Variants in LRRTM3 observed in about 807,000 individuals in gnomAD.
LRRTM3 encodes leucine rich repeat transmembrane neuronal 3.
LRRTM3 carries 24 observed loss-of-function variants against 44.7 expected under a neutral mutation model. That is an observed-to-expected ratio of 0.54 (90% CI 0.39 to 0.76). LRRTM3 has a LOEUF of 0.76. LRRTM3 is among the 30% of genes least tolerant of loss of function. The pLI is 0.00. For missense variants in LRRTM3, 587 were observed against 702.2 expected, an observed-to-expected ratio of 0.84 and a Z score of 1.85; for synonymous variants, 277 against 278.7, an observed-to-expected ratio of 0.99 and a Z score of 0.06.
chr10:67,003,518 G>A (rs1234695379), intron 2 of LRRTM3, among the ~76,000 whole-genome samples: 2 of 152,046 alleles, frequency 1.3e-5, no homozygotes, highest in East Asian at 3.9e-4. Context: ...CCAATCCTTA[G>A]GATTCTCCTA....
rs990831106 is a variant in LRRTM3 at position 67,083,070 on chromosome 10, G to A, written c.1537-14517G>A. 2.6e-5 allele frequency among the ~76,000 whole-genome samples: 4 copies of A among 152,070 alleles called. No homozygotes were observed. The East Asian group carries it at 7.7e-4, about 29-fold the overall frequency. ...CACCTAAGGGTCAGGAGAGGCAAGT[G>A]TGATCAGGGGACCAGTGAGCATCCT... On this transcript the variant is annotated intron_variant, in intron 2 of 2. Transcript: ENST00000361320.
chr10:66,931,264 A>C (rs12264562), intron 2 of LRRTM3, among the ~76,000 whole-genome samples: 8,572 of 151,696 alleles, frequency 0.057, 471 homozygotes, highest in African/African-American at 0.15. Context: ...CTTTACCAAA[A>C]CAGAGAAGAA....
At chr10:66,965,562 G>T (rs372053004) in intron 2 of LRRTM3, among the ~76,000 whole-genome samples, 10 of 38,400 alleles carry the variant, frequency 2.6e-4, no homozygotes, top group African/African-American at 5.8e-4. Context: ...AAAAAAAAAA[G>T]CTGTTTTTTT....
chr10:67,081,957 A>T (rs921196057), intron 2 of LRRTM3, among the ~76,000 whole-genome samples: 9 of 152,126 alleles, frequency 5.9e-5, no homozygotes, highest in Middle Eastern at 3.2e-3. Flanking sequence ...TGAAAACAGT[A>T]TTCATGTTTT....
At chr10:66,969,511 C>T (rs1053553116) in intron 2 of LRRTM3, among the ~76,000 whole-genome samples, 9 of 152,058 alleles carry the variant, frequency 5.9e-5, no homozygotes, top group South Asian at 4.1e-4. Flanking sequence ...ATTATTTCCT[C>T]GGGATACATT....
At chr10:67,041,362 A>C (rs548289615) in intron 2 of LRRTM3, among the ~76,000 whole-genome samples, 1 of 152,260 alleles carries the variant, frequency 6.6e-6, no homozygotes, top group South Asian at 2.1e-4. Flanking sequence ...ACTATAAATA[A>C]TAGAGGTTAC....
chr10:67,030,636 ATTTG>A (rs1853659699), intron 2 of LRRTM3, among the ~76,000 whole-genome samples: 1 of 152,142 alleles, frequency 6.6e-6, no homozygotes. Context: ...AGATCAATAT[ATTTG>A]TTTATCACCA....
chr10:66,976,499 C>T (rs1041097746), intron 2 of LRRTM3, among the ~76,000 whole-genome samples: 10 of 152,198 alleles, frequency 6.6e-5, no homozygotes, highest in African/African-American at 2.4e-4. Context: ...CATTACTAGC[C>T]TACCCTACAA....
At chr10:67,078,425 G>C (rs558697727) in intron 2 of LRRTM3, among the ~76,000 whole-genome samples, 115 of 152,172 alleles carry the variant, frequency 7.6e-4, no homozygotes, top group African/African-American at 2.7e-3. Flanking sequence ...ATTTGAGAGA[G>C]GGACCAACAA....
chr10:66,975,843 G>T (rs953882832), intron 2 of LRRTM3, among the ~76,000 whole-genome samples: 1 of 152,132 alleles, frequency 6.6e-6, no homozygotes, highest in Non-Finnish European at 1.5e-5. Flanking sequence ...ATTAAGACTT[G>T]TCATTTTCTA....
chr10:67,083,010 A>G (rs1857126984), intron 2 of LRRTM3, among the ~76,000 whole-genome samples: 1 of 152,194 alleles, frequency 6.6e-6, no homozygotes, highest in Non-Finnish European at 1.5e-5. Context: ...TTCTACCAGA[A>G]GCCACCTGTG....
chr10:66,938,573 C>T (rs1285212737), intron 2 of LRRTM3, among the ~76,000 whole-genome samples: 1 of 152,062 alleles, frequency 6.6e-6, no homozygotes, highest in African/African-American at 2.4e-5. Flanking sequence ...GATAGAGAAG[C>T]GATCGGTCTT....
intron 2 of LRRTM3, among the ~76,000 whole-genome samples, chr10:67,072,430 A>G (rs1856514587): frequency 6.6e-6 from 1 of 152,132 alleles, no homozygotes; most frequent in Non-Finnish European, 1.5e-5. Context: ...ACCTATTTGT[A>G]TGTCTACGTA....
intron 2 of LRRTM3, among the ~76,000 whole-genome samples, chr10:66,993,734 G>C (rs1020241886): frequency 6.8e-6 from 1 of 148,052 alleles, no homozygotes; most frequent in South Asian, 2.1e-4. Flanking sequence ...ATCTTTCATT[G>C]AGCCTGTATT....
chr10:66,986,920 C>A (rs1000324250), intron 2 of LRRTM3, among the ~76,000 whole-genome samples: 7 of 152,118 alleles, frequency 4.6e-5, no homozygotes, highest in African/African-American at 1.7e-4. Flanking sequence ...TCACTGTCTT[C>A]ATGAAGTTTA....
chr10:66,988,492 A>C (rs1175226030), intron 2 of LRRTM3, among the ~76,000 whole-genome samples: 2 of 152,128 alleles, frequency 1.3e-5, no homozygotes, highest in East Asian at 1.9e-4. Flanking sequence ...AAAAGCTCCA[A>C]CTTCTGTGTA....
chr10:67,051,995 C>A (rs1400526019), intron 2 of LRRTM3, among the ~76,000 whole-genome samples: 1 of 146,186 alleles, frequency 6.8e-6, no homozygotes, highest in Non-Finnish European at 1.5e-5. Context: ...CCTCAGGTGA[C>A]CCGCCCACCT....
At chr10:67,096,325 C>G (rs953535467) in intron 2 of LRRTM3, among the ~76,000 whole-genome samples, 2 of 151,558 alleles carry the variant, frequency 1.3e-5, no homozygotes, top group African/African-American at 4.8e-5. Flanking sequence ...GTGGCAAAGA[C>G]GGTTCTAATG....
intron 2 of LRRTM3, among the ~76,000 whole-genome samples, chr10:66,981,193 C>T (rs1291246643): frequency 1.3e-5 from 2 of 152,160 alleles, no homozygotes; most frequent in South Asian, 2.1e-4. Context: ...CGTGAGCCAC[C>T]GCGCCCAGCC....
Sources: allele counts gnomAD v4.1 joint callset (sites outside exome capture counted in the v4.1 genomes callset), GRCh38; gene constraint gnomAD v4.1.1; transcripts MANE v1.5; gene names NCBI Gene and HGNC (gene_info 2026-07-23, HGNC 2026-07-21).